The following HOOK3 variants were observed in gnomAD, a reference collection of about 807,000 sequenced individuals.
HOOK3 encodes the protein protein Hook homolog 3.
Under a neutral mutation model 116.3 loss-of-function variants are expected in HOOK3, and 24 were observed. The ratio of observed to expected loss-of-function variants is 0.21; its 90% CI spans 0.15 to 0.29. The LOEUF (loss-of-function observed/expected upper bound fraction) is 0.29. Ranked by LOEUF, HOOK3 falls within the 10% of genes least tolerant of loss-of-function variation. HOOK3 has a pLI of 1.00. For synonymous variants in HOOK3, 275 were observed against 283.0 expected, an observed-to-expected ratio of 0.97 and a Z score of 0.28; for missense variants, 632 against 830.2, an observed-to-expected ratio of 0.76 and a Z score of 2.93.
chr8:42,920,949 T>C (rs989294135), intron 2 of HOOK3, among the ~76,000 whole-genome samples: 3 of 152,204 alleles, frequency 2.0e-5, no homozygotes, highest in African/African-American at 7.2e-5. Context: ...CTGATTTTGT[T>C]GTCTTCCCTT....
chr8:42,972,639 A>G (rs927167026), intron 11 of HOOK3, among the ~76,000 whole-genome samples: 2 of 152,170 alleles, frequency 1.3e-5, no homozygotes, highest in African/African-American at 4.8e-5. Context: ...GGTTCAAGCC[A>G]TCCTCCCACC....
chr8:42,991,929 T>C (rs184266742), intron 15 of HOOK3, among the ~76,000 whole-genome samples: 2 of 152,310 alleles, frequency 1.3e-5, no homozygotes, highest in African/African-American at 4.8e-5. Context: ...TTCATGAACA[T>C]AGAATATCTT....
Position 43,019,353 on chromosome 8 carries a change from A to C in HOOK3, c.*855A>C, listed in dbSNP as rs965600638. The C allele has an allele frequency of 1.4e-5, 3 of 214,446 alleles. No homozygotes were observed. Among genetic ancestry groups the C allele is most frequent in the South Asian group, 1.9e-4 (1 of 5,366 alleles). 13.3% of individuals were successfully genotyped at this position (214,446 alleles called of 1,614,324 possible). On this transcript the variant is annotated 3_prime_UTR_variant, in exon 22 of 22. Transcript: ENST00000307602. ...ATACCTTCAGTTGCTTTCCACATCT[A>C]AAAGAGTTATCTTTCATATATGTAC...
intron 2 of HOOK3, among the ~76,000 whole-genome samples, chr8:42,924,428 C>A (rs1807723586): frequency 6.6e-6 from 1 of 151,068 alleles, no homozygotes; most frequent in East Asian, 2.0e-4. Context: ...AGATTCTATC[C>A]TCGTTTCAAT....
At chr8:42,901,398 G>A (rs1321455932) in intron 1 of HOOK3, among the ~76,000 whole-genome samples, 18 of 152,088 alleles carry the variant, frequency 1.2e-4, no homozygotes, top group Admixed American at 1.2e-3. Flanking sequence ...TAAAAATTAA[G>A]GTACGGTTTA....
chr8:42,977,684 T>G (rs1056328616), intron 13 of HOOK3, among the ~76,000 whole-genome samples: 5 of 151,926 alleles, frequency 3.3e-5, no homozygotes, highest in African/African-American at 1.2e-4. Context: ...CTGGCCAACA[T>G]AGCAAAACTC....
rs1807851670 is a variant in HOOK3 at position 42,930,423 on chromosome 8, T to C, written c.267+251T>C. On this transcript the variant is annotated intron_variant, in intron 4 of 21. Transcript: ENST00000307602. ...TAATGTCAAATTTTACTTTATGTCA[T>C]CTATTAATTCTGTCTTTTTTCCTTT... Among the ~76,000 whole-genome samples, 5 of 152,320 alleles carry C rather than the reference T, an allele frequency of 3.3e-5. 1 individual carries two copies. In the South Asian group the frequency reaches 1.0e-3, roughly 32 times the overall value.
chr8:42,902,564 G>A lies in HOOK3; in HGVS notation c.58-3609G>A, dbSNP rs1368889130. Among the ~76,000 whole-genome samples the A allele has an allele frequency of 3.3e-5, 5 of 151,978 alleles. No homozygotes were observed. In the East Asian group the frequency reaches 5.8e-4, roughly 18 times the overall value. ...TGAGGTAACAGGTATAAGCCACCAC[G>A]CCCTGCCAAAATGTGTATTTTCAAA... On this transcript the variant is annotated intron_variant, in intron 1 of 21. Coordinates refer to ENST00000307602, the MANE Select transcript of HOOK3 (RefSeq NM_032410.4).
intron 2 of HOOK3, among the ~76,000 whole-genome samples, chr8:42,906,546 A>C (rs1260481419): frequency 6.6e-6 from 1 of 152,168 alleles, no homozygotes; most frequent in East Asian, 1.9e-4. Context: ...TTGCTGTTAC[A>C]GGGGTATCTA....
rs200935393 is a variant in HOOK3, at chr8:42,968,023, G to C, written c.931G>C (p.Asp311His). The change falls in exon 11 of 22, where the codon GAT (aspartate) becomes CAT (histidine). Residue 311 changes from aspartate to histidine, a missense_variant. Coordinates refer to ENST00000307602, the MANE Select transcript of HOOK3 (RefSeq NM_032410.4). ...CCCATCTAATTCTAGACATTCTTCT[G>C]ATAAAGTATCTAAACTAGAAGGTCA... ...DEIDVLRHSS[D>H]KVSKLEGQVE... 1 of 1,546,524 alleles carries C rather than the reference G, an allele frequency of 6.5e-7. No homozygotes were observed. Among genetic ancestry groups the C allele is most frequent in the Non-Finnish European group, 8.9e-7 (1 of 1,120,612 alleles).
At chr8:42,975,867 G>A (rs1180444767) in intron 13 of HOOK3, among the ~76,000 whole-genome samples, 4 of 151,954 alleles carry the variant, frequency 2.6e-5, no homozygotes, top group South Asian at 2.1e-4. Context: ...CACCACGCCC[G>A]GCTAATTTTT....
chr8:43,018,042 C>T (rs1378821573), intron 21 of HOOK3, among the ~76,000 whole-genome samples: 1 of 152,068 alleles, frequency 6.6e-6, no homozygotes, highest in Non-Finnish European at 1.5e-5. Context: ...ATACTCTTTT[C>T]CTTGGAAAAA....
At chr8:42,927,918 G>A (rs369510890) in intron 3 of HOOK3, among the ~76,000 whole-genome samples, 4 of 152,152 alleles carry the variant, frequency 2.6e-5, no homozygotes, top group Non-Finnish European at 5.9e-5. Context: ...AGGTCAAGGC[G>A]GGTGGATCAC....
intron 16 of HOOK3, 45 bp downstream of exon 16, chr8:42,997,682 G>A: frequency 9.8e-7 from 1 of 1,019,392 alleles, no homozygotes; most frequent in South Asian, 1.3e-5. Context: ...GTTTCACAAT[G>A]TTGAGAAATA....
At chr8:42,965,258 T>TG in intron 9 of HOOK3, among the ~76,000 whole-genome samples, 1 of 152,194 alleles carries the variant, frequency 6.6e-6, no homozygotes, top group East Asian at 1.9e-4. Context: ...AAGGGCCAGA[T>TG]GACATGAAAA....
intron 2 of HOOK3, among the ~76,000 whole-genome samples, chr8:42,914,771 A>G (rs771200216): frequency 3.3e-5 from 5 of 152,104 alleles, no homozygotes; most frequent in Non-Finnish European, 5.9e-5. Context: ...CCCCTCCTCT[A>G]CTGGATCATA....
chr8:42,911,702 T>G (rs1213068328), intron 2 of HOOK3, among the ~76,000 whole-genome samples: 2 of 152,138 alleles, frequency 1.3e-5, no homozygotes, highest in Admixed American at 1.3e-4. Context: ...GTATATAAAA[T>G]CAGCATATTT....
chr8:42,994,389 C>A, intron 15 of HOOK3: 1 of 380,670 alleles, frequency 2.6e-6, no homozygotes, highest in Non-Finnish European at 5.1e-6. Flanking sequence ...CATTCAGTGG[C>A]ATCGTTAGGT....
At chr8:42,907,027 T>C (rs1475646886) in intron 2 of HOOK3, among the ~76,000 whole-genome samples, 2 of 152,254 alleles carry the variant, frequency 1.3e-5, no homozygotes, top group African/African-American at 2.4e-5. Context: ...ATAATAGTTA[T>C]GAAATTGATA....
Sources: allele counts gnomAD v4.1 joint callset (sites outside exome capture counted in the v4.1 genomes callset), GRCh38; gene constraint gnomAD v4.1.1; transcripts MANE v1.5; gene names NCBI Gene and HGNC (gene_info 2026-07-23, HGNC 2026-07-21).